ABLIM1: variants seen among roughly 807,000 people sequenced by gnomAD.
The protein encoded by ABLIM1 is actin-binding LIM protein 1.
Under a neutral mutation model 107.0 loss-of-function variants are expected in ABLIM1, and 40 were observed. The observed-to-expected ratio is 0.37, with a 90% CI of 0.29 to 0.49. ABLIM1 has a LOEUF of 0.49. Among genes scored for constraint, ABLIM1 ranks in the 20% least tolerant of loss-of-function variants. The pLI is 0.97. For missense variants in ABLIM1, 857 were observed against 1,008.5 expected (o/e 0.85, Z 2.04); for synonymous variants, 357 against 357.3 (o/e 1.00, Z 0.01).
At chr10:114,763,077 T>C (rs553031694) in intron 1 of ABLIM1, among the ~76,000 whole-genome samples, 5 of 152,352 alleles carry the variant, frequency 3.3e-5, no homozygotes, top group African/African-American at 1.2e-4. Context: ...CTCAAGCTTC[T>C]GAAAAGCCAG....
rs745562718 is a variant in ABLIM1 at position 114,547,679 on chromosome 10, C to G, written c.771G>C (p.Gly257=). 27 of 1,613,816 alleles carry G rather than the reference C, an allele frequency of 1.7e-5. No individual in the cohort carries two copies. Among genetic ancestry groups the G allele is most frequent in the Non-Finnish European group, 2.2e-5 (26 of 1,180,024 alleles). ...TGATGTACTCCCCGGTGAGGACCTT[C>G]CCGCAGGACTTGCATTTAAAGCACC... The part of the protein sequence containing the change: ...HLGCFKCKSC[G]KVLTGEYISK... Residue 257 remains glycine (G), a synonymous_variant, in exon 5 of 23, where the codon GGG becomes GGC. Transcript: ENST00000533213.
intron 1 of ABLIM1, among the ~76,000 whole-genome samples, chr10:114,753,360 T>C (rs181057536): frequency 1.9e-3 from 283 of 152,326 alleles, no homozygotes; most frequent in African/African-American, 6.7e-3. Context: ...CATTAAAAGT[T>C]ACAGACTAAT....
At chr10:114,641,247 T>TAAAAAAAAAAAAAA (rs35168530) in intron 1 of ABLIM1, among the ~76,000 whole-genome samples, 1 of 37,084 alleles carries the variant, frequency 2.7e-5, no homozygotes, top group African/African-American at 8.4e-5. Flanking sequence ...AAGCCAATCA[T>TAAAAAAAAAAAAAA]AAAAAAAAAA....
At chr10:114,584,150 G>GAAAAT (rs1189939366) in intron 2 of ABLIM1, among the ~76,000 whole-genome samples, 2 of 151,892 alleles carry the variant, frequency 1.3e-5, no homozygotes, top group African/African-American at 2.4e-5. Flanking sequence ...GAAAAGAAAA[G>GAAAAT]AAAAGAAAAG....
intron 1 of ABLIM1, among the ~76,000 whole-genome samples, chr10:114,654,234 C>T (rs1170834762): frequency 6.6e-6 from 1 of 152,126 alleles, no homozygotes; most frequent in African/African-American, 2.4e-5. Flanking sequence ...TAGTTCTGGG[C>T]CTCTATTGTT....
intron 1 of ABLIM1, among the ~76,000 whole-genome samples, chr10:114,669,313 CA>C (rs1386677423): frequency 6.6e-6 from 1 of 152,084 alleles, no homozygotes; most frequent in Admixed American, 6.6e-5. Flanking sequence ...AGTTTGAAAA[CA>C]AAACAAACAA....
At chr10:114,559,924 A>G (rs1203880120) in intron 4 of ABLIM1, among the ~76,000 whole-genome samples, 1 of 152,222 alleles carries the variant, frequency 6.6e-6, no homozygotes, top group African/African-American at 2.4e-5. Flanking sequence ...GGAAGGATCT[A>G]AGAGTGGGAG....
At chr10:114,443,169 T>A (rs1035503014) in intron 17 of ABLIM1, among the ~76,000 whole-genome samples, 2 of 152,024 alleles carry the variant, frequency 1.3e-5, no homozygotes, top group African/African-American at 4.8e-5. Flanking sequence ...AGAGAAGAAA[T>A]CTTGTGGTTT....
chr10:114,524,981 T>C (rs1010650610), intron 6 of ABLIM1, among the ~76,000 whole-genome samples: 1 of 152,180 alleles, frequency 6.6e-6, no homozygotes, highest in Non-Finnish European at 1.5e-5. Flanking sequence ...CATAGACCCT[T>C]CCCCCTCGTT....
chr10:114,648,036 T>C (rs56274206), intron 1 of ABLIM1, among the ~76,000 whole-genome samples: 3,252 of 152,282 alleles, frequency 0.021, 102 homozygotes, highest in African/African-American at 0.074. Flanking sequence ...TTATTTCACT[T>C]TGAGGGAATA....
chr10:114,513,043 T>A (rs1452998673), intron 6 of ABLIM1, among the ~76,000 whole-genome samples: 3 of 151,526 alleles, frequency 2.0e-5, no homozygotes, highest in African/African-American at 7.3e-5. Flanking sequence ...GTACTCTCCA[T>A]CCATCCTCCT....
intron 1 of ABLIM1, among the ~76,000 whole-genome samples, chr10:114,699,884 G>A (rs1412040336): frequency 6.6e-6 from 1 of 152,138 alleles, no homozygotes; most frequent in African/African-American, 2.4e-5. Context: ...TCAATATACT[G>A]GTTGTGATAT....
At chr10:114,468,033 G>A in intron 11 of ABLIM1, 148 bp downstream of exon 11, 1 of 686,572 alleles carries the variant, frequency 1.5e-6, no homozygotes, top group African/African-American at 1.8e-5. Flanking sequence ...CTCTTTCACG[G>A]AGGTAATCCC....
chr10:114,642,048 G>A (rs887025630), intron 1 of ABLIM1, among the ~76,000 whole-genome samples: 3 of 151,792 alleles, frequency 2.0e-5, no homozygotes, highest in African/African-American at 7.3e-5. Context: ...ATACCTGGCT[G>A]ATTTTTAATT....
intron 1 of ABLIM1, among the ~76,000 whole-genome samples, chr10:114,615,385 T>C (rs919537664): frequency 2.0e-5 from 3 of 152,218 alleles, no homozygotes; most frequent in Admixed American, 2.0e-4. Context: ...CTCCTCCTTC[T>C]GGTCACACCC....
chr10:114,718,817 A>G (rs1015852720), intron 1 of ABLIM1, among the ~76,000 whole-genome samples: 2 of 152,222 alleles, frequency 1.3e-5, no homozygotes, highest in South Asian at 4.1e-4. Context: ...AACAAAAAGC[A>G]AGGTGCAGAA....
intron 6 of ABLIM1, among the ~76,000 whole-genome samples, chr10:114,531,571 G>A (rs1174081161): frequency 1.3e-5 from 2 of 152,236 alleles, no homozygotes; most frequent in African/African-American, 2.4e-5. Flanking sequence ...AGGCTGGAGT[G>A]CAGTGATGCG....
intron 6 of ABLIM1, among the ~76,000 whole-genome samples, chr10:114,523,516 T>C (rs990977172): frequency 3.3e-5 from 5 of 152,002 alleles, no homozygotes; most frequent in African/African-American, 1.2e-4. Context: ...CTTTATCTTA[T>C]TGAAACCATG....
intron 1 of ABLIM1, among the ~76,000 whole-genome samples, chr10:114,730,405 A>T (rs1169350913): frequency 1.4e-5 from 2 of 144,498 alleles, no homozygotes; most frequent in African/African-American, 5.1e-5. Context: ...CTCAAAAAAA[A>T]AAAAAAAAAA....
Sources: gnomAD v4.1 joint callset for allele counts (sites outside exome capture counted in the v4.1 genomes callset) on GRCh38, gnomAD v4.1.1 for gene constraint, MANE v1.5 for transcripts, NCBI Gene and HGNC (gene_info 2026-07-23, HGNC 2026-07-21) for gene names.